SOX5: variants seen among roughly 807,000 people sequenced by gnomAD.
SOX5 encodes the protein SRY-box transcription factor 5.
SOX5 carries 9 observed loss-of-function variants against 92.0 expected under a neutral mutation model. That is an observed-to-expected ratio of 0.10 (90% confidence interval 0.06 to 0.17). SOX5 has a LOEUF of 0.17. Among genes scored for constraint, SOX5 ranks in the 10% least tolerant of loss-of-function variants. The pLI, the probability that SOX5 is intolerant of heterozygous loss-of-function variation, is 1.00. For missense variants in SOX5, 642 were observed against 944.5 expected (o/e 0.68, Z 4.20); for synonymous variants, 344 against 336.3 (o/e 1.02, Z -0.25).
In SOX5 at chr12:24,079,460, A is replaced by C. The variant is rs1943061676; in HGVS notation, c.-2+133883T>G. On this transcript the variant is annotated intron_variant, in intron 4 of 4. Transcript: ENST00000446891. Reference sequence around the variant, plus strand: ...AATGTATGACATGAAAATAAATAGTACATTTTTGCATATTTCCTAAATTAA... The same window carrying C: ...AATGTATGACATGAAAATAAATAGTCCATTTTTGCATATTTCCTAAATTAA... Among the ~76,000 whole-genome samples the C allele has an allele frequency of 2.0e-5, 3 of 152,054 alleles. No homozygotes were observed. In the South Asian group the frequency reaches 6.2e-4, roughly 31 times the overall value.
At chr12:24,500,950 T>A (rs79733778) in intron 1 of SOX5, among the ~76,000 whole-genome samples, 1 of 152,178 alleles carries the variant, frequency 6.6e-6, no homozygotes, top group Non-Finnish European at 1.5e-5. Flanking sequence ...CTATAACCAA[T>A]GCACCCTCCC....
At chr12:23,560,083 G>A (rs1450832794) in intron 11 of SOX5, among the ~76,000 whole-genome samples, 3 of 152,078 alleles carry the variant, frequency 2.0e-5, no homozygotes, top group East Asian at 3.9e-4. Context: ...GTAATTTTTT[G>A]TATCTTTAGT....
chr12:23,725,922 T>C (rs1375866415), intron 6 of SOX5, among the ~76,000 whole-genome samples: 1 of 152,158 alleles, frequency 6.6e-6, no homozygotes, highest in Admixed American at 6.5e-5. Context: ...GACTGAGAAT[T>C]TTCCACTTCT....
At chr12:23,616,622 A>G (rs2076589551) in intron 8 of SOX5, among the ~76,000 whole-genome samples, 2 of 152,232 alleles carry the variant, frequency 1.3e-5, no homozygotes, top group Admixed American at 1.3e-4. Flanking sequence ...AAAAAAATGT[A>G]TTACAGTGAA....
Position 23,965,139 on chromosome 12 carries a change from T to A in SOX5, c.-1-69115A>T, listed in dbSNP as rs558694767. Among the ~76,000 whole-genome samples, 20 of 152,330 alleles carry A rather than the reference T, an allele frequency of 1.3e-4. No individual in the cohort carries two copies. In the South Asian group the frequency reaches 3.9e-3, roughly 30 times the overall value. On this transcript the variant is annotated intron_variant, in intron 4 of 4. Coordinates refer to the SOX5 transcript ENST00000446891. Reference sequence around the variant, plus strand: ...CTATGCACCCTAGCAGGACACCATCTACCGTGGAACAGATGGATTATCTCG... The same window carrying A: ...CTATGCACCCTAGCAGGACACCATCAACCGTGGAACAGATGGATTATCTCG...
chr12:24,439,633 G>T (rs193124633), intron 1 of SOX5, among the ~76,000 whole-genome samples: 1 of 152,172 alleles, frequency 6.6e-6, no homozygotes, highest in Non-Finnish European at 1.5e-5. Flanking sequence ...AGTAGCTCAC[G>T]ACTGTAATCC....
chr12:24,038,099 G>A (rs992048830), intron 4 of SOX5, among the ~76,000 whole-genome samples: 4 of 152,110 alleles, frequency 2.6e-5, no homozygotes, highest in Non-Finnish European at 4.4e-5. Context: ...TCTATAAATC[G>A]TACAGTTTCT....
chr12:23,859,638 C>T (rs2096732445), intron 2 of SOX5, among the ~76,000 whole-genome samples: 1 of 152,116 alleles, frequency 6.6e-6, no homozygotes, highest in Admixed American at 6.6e-5. Context: ...ATCCCTGTGA[C>T]CTACTCTGTA....
rs921194042 is a variant in SOX5, at chr12:24,327,783, G to A, written c.-174+40780C>T. Among the ~76,000 whole-genome samples the A allele has an allele frequency of 3.3e-5, 5 of 151,714 alleles. No homozygotes were observed. The East Asian group carries it at 9.7e-4, about 29-fold the overall frequency. ...ATGTGTGTGTGTTTTTAGTAGATAT[G>A]GGGTTTCACCATATTAACCAGGATG... On this transcript the variant is annotated intron_variant, in intron 2 of 4. Coordinates refer to the SOX5 transcript ENST00000446891.
chr12:23,999,529 T>A (rs1418247121), intron 4 of SOX5, among the ~76,000 whole-genome samples: 4 of 152,114 alleles, frequency 2.6e-5, no homozygotes, highest in African/African-American at 9.7e-5. Flanking sequence ...AATCATTTCA[T>A]AATGTATACA....
Position 23,591,723 on chromosome 12 carries a change from G to A in SOX5, c.1164+12664C>T, listed in dbSNP as rs192962619. ...AATATTGAGCTCCCACTGGCTTAAA[G>A]TGAAACTTTGATCCTCAGAAGAGTT... On this transcript the variant is annotated intron_variant, in intron 9 of 14. Transcript: ENST00000451604. 2.6e-5 allele frequency among the ~76,000 whole-genome samples: 4 copies of A among 152,236 alleles called. No individual in the cohort carries two copies. The East Asian group carries it at 7.7e-4, about 29-fold the overall frequency.
intron 1 of SOX5, among the ~76,000 whole-genome samples, chr12:23,923,198 G>T (rs1264304203): frequency 2.0e-5 from 3 of 152,118 alleles, no homozygotes; most frequent in African/African-American, 4.8e-5. Context: ...TGATCTGCCC[G>T]CCTCGGCCTC....
At chr12:24,199,875 T>C (rs1221323852) in intron 4 of SOX5, among the ~76,000 whole-genome samples, 1 of 152,102 alleles carries the variant, frequency 6.6e-6, no homozygotes, top group East Asian at 1.9e-4. Flanking sequence ...GTAACTCAAA[T>C]GTGTGCATAC....
At chr12:23,956,665 G>T (rs1440900108) in intron 4 of SOX5, among the ~76,000 whole-genome samples, 1 of 150,096 alleles carries the variant, frequency 6.7e-6, no homozygotes, top group Non-Finnish European at 1.5e-5. Flanking sequence ...CCTTATTAAT[G>T]CAATGGTCTT....
At chr12:24,047,147 C>T (rs887690844) in intron 4 of SOX5, among the ~76,000 whole-genome samples, 7 of 152,104 alleles carry the variant, frequency 4.6e-5, no homozygotes, top group Admixed American at 2.0e-4. Flanking sequence ...AATCAAAAGA[C>T]ATGGTGAAAG....
At chr12:23,916,762 T>A (rs929630761) in intron 1 of SOX5, among the ~76,000 whole-genome samples, 4 of 152,188 alleles carry the variant, frequency 2.6e-5, no homozygotes, top group African/African-American at 9.7e-5. Context: ...AATGTAATAT[T>A]AGAATTCCCA....
intron 1 of SOX5, among the ~76,000 whole-genome samples, chr12:23,918,949 T>G (rs1158760238): frequency 6.8e-6 from 1 of 146,862 alleles, no homozygotes; most frequent in African/African-American, 2.5e-5. Flanking sequence ...GAAAGAAAAA[T>G]GGCCCCCAAT....
intron 2 of SOX5, among the ~76,000 whole-genome samples, chr12:24,336,775 T>C (rs896610969): frequency 6.6e-6 from 1 of 152,186 alleles, no homozygotes; most frequent in Non-Finnish European, 1.5e-5. Flanking sequence ...AGGGAGAAGA[T>C]GAGAGGACAA....
At chr12:23,668,968 G>GA (rs1288234824) in intron 6 of SOX5, among the ~76,000 whole-genome samples, 1 of 152,030 alleles carries the variant, frequency 6.6e-6, no homozygotes, top group East Asian at 1.9e-4. Flanking sequence ...TTCTATTGTT[G>GA]AAACATTCAA....
Sources: allele counts gnomAD v4.1 joint callset (sites outside exome capture counted in the v4.1 genomes callset), GRCh38; gene constraint gnomAD v4.1.1; transcripts MANE v1.5; gene names NCBI Gene and HGNC (gene_info 2026-07-23, HGNC 2026-07-21).